SPNS3: variants seen among roughly 807,000 people sequenced by gnomAD.
SPNS3 encodes the protein SPNS lysolipid transporter 3, sphingosine-1-phosphate (putative), also known as protein spinster homolog 3.
In SPNS3, 51 loss-of-function variants were observed where a neutral mutation model predicts 54.4. The ratio of observed to expected loss-of-function variants is 0.94; its 90% CI spans 0.75 to 1.18. SPNS3 has a LOEUF of 1.18. Among genes scored for constraint, SPNS3 ranks in the 50% most tolerant of loss-of-function variants. The probability of loss-of-function intolerance (pLI) is 0.00; values close to 1 mark genes in which losing one functional copy is unlikely to be tolerated. For synonymous variants in SPNS3, 309 were observed against 294.7 expected (o/e 1.05, Z -0.50); for missense variants, 669 against 677.4 (o/e 0.99, Z 0.14).
At chr17:4,443,102 GCT>G (rs912137020) in intron 2 of SPNS3, among the ~76,000 whole-genome samples, 3 of 151,454 alleles carry the variant, frequency 2.0e-5, no homozygotes, top group African/African-American at 7.3e-5. Context: ...AGAGACTCTC[GCT>G]CTGTCACACA....
chr17:4,477,989 T>TTTTTTTTTTTTTTGG (rs1972053520), intron 8 of SPNS3, among the ~76,000 whole-genome samples: 1 of 142,870 alleles, frequency 7.0e-6, no homozygotes, highest in Non-Finnish European at 1.5e-5. Context: ...TTTTTTTTTT[T>TTTTTTTTTTTTTTGG]GAGGCGGAGT....
intron 3 of SPNS3, 21 bp from the exon 4 acceptor site, chr17:4,446,027 G>T (rs1428992973): frequency 6.3e-7 from 1 of 1,588,930 alleles, no homozygotes; most frequent in Non-Finnish European, 8.6e-7. Flanking sequence ...ACTCACCGTG[G>T]TCTTGTGCCT....
intron 9 of SPNS3, among the ~76,000 whole-genome samples, chr17:4,481,299 G>A (rs1344113569): frequency 1.3e-5 from 2 of 152,056 alleles, no homozygotes; most frequent in Non-Finnish European, 2.9e-5. Context: ...TCCCAGCAGA[G>A]CAGGGGCAGG....
intron 7 of SPNS3, among the ~76,000 whole-genome samples, chr17:4,449,946 T>A (rs1007867595): frequency 2.6e-5 from 4 of 152,114 alleles, no homozygotes; most frequent in African/African-American, 4.8e-5. Flanking sequence ...TCTGTTCCTA[T>A]CGCCTTTGAC....
chr17:4,461,361 C>CTTTTTTTTTTTTTTTTTTTTTTTTTTT lies in SPNS3; in HGVS notation c.1113+8182_1113+8183insTTTTTTTTTTTTTTTTTTTTTTTTTTT, dbSNP rs55928003. Among the ~76,000 whole-genome samples, 15 of 33,394 alleles carry CTTTTTTTTTTTTTTTTTTTTTTTTTTT rather than the reference C, an allele frequency of 4.5e-4. 1 individual carries two copies. The highest frequency in any genetic ancestry group is 1.4e-3 in the South Asian group (1 of 690). 21.9% of individuals were successfully genotyped at this position (33,394 alleles called of 152,430 possible). A position where few individuals can be genotyped will look rare whatever the true frequency, so the allele number is the denominator to read the frequency against. On this transcript the variant is annotated intron_variant, in intron 8 of 11. Coordinates refer to ENST00000355530, the MANE Select transcript of SPNS3 (RefSeq NM_182538.5). ...TATTTGCTTTCTTTTCTTTTCTTTT[C>CTTTTTTTTTTTTTTTTTTTTTTTTTTT]TTTTTTTTTTTTTTTTTTTTTTTTT...
intron 8 of SPNS3, among the ~76,000 whole-genome samples, chr17:4,466,611 G>A (rs1370988594): frequency 1.3e-5 from 2 of 149,262 alleles, no homozygotes; most frequent in Non-Finnish European, 3.0e-5. Context: ...GGAGGCCGAG[G>A]CAGGCAGATC....
At chr17:4,484,692 C>A (rs542428846) in intron 9 of SPNS3, among the ~76,000 whole-genome samples, 4 of 152,056 alleles carry the variant, frequency 2.6e-5, no homozygotes, top group African/African-American at 9.7e-5. Context: ...GGTGTAAGCG[C>A]CCCTGTGGCT....
intron 7 of SPNS3, among the ~76,000 whole-genome samples, chr17:4,452,003 G>T (rs1401652174): frequency 6.6e-6 from 1 of 152,064 alleles, no homozygotes; most frequent in East Asian, 1.9e-4. Context: ...TTAAAAGGGG[G>T]CTGGAGGTTG....
At chr17:4,445,756 T>TGCTGGGGGTGGG (rs1970968153) in intron 3 of SPNS3, among the ~76,000 whole-genome samples, 1 of 152,006 alleles carries the variant, frequency 6.6e-6, no homozygotes, top group Non-Finnish European at 1.5e-5. Context: ...TGCCCGACTC[T>TGCTGGGGGTGGG]GCTGGGGGTG....
chr17:4,470,866 C>T (rs769883281), intron 8 of SPNS3, among the ~76,000 whole-genome samples: 1 of 152,114 alleles, frequency 6.6e-6, no homozygotes, highest in Non-Finnish European at 1.5e-5. Flanking sequence ...CCCCAACCTC[C>T]TGATTTTTGT....
At chr17:4,459,580 G>T (rs538613714) in intron 8 of SPNS3, among the ~76,000 whole-genome samples, 24 of 152,258 alleles carry the variant, frequency 1.6e-4, no homozygotes, top group Middle Eastern at 6.8e-3. Flanking sequence ...GGGCATGGTG[G>T]TGTGTGCCTG....
At chr17:4,469,338 C>T (rs112840271) in intron 8 of SPNS3, among the ~76,000 whole-genome samples, 5 of 152,248 alleles carry the variant, frequency 3.3e-5, no homozygotes, top group African/African-American at 1.2e-4. Flanking sequence ...CCGCCTGCCT[C>T]GGCCTCCCAA....
intron 8 of SPNS3, among the ~76,000 whole-genome samples, chr17:4,455,038 C>A (rs560044115): frequency 6.6e-6 from 1 of 152,168 alleles, no homozygotes; most frequent in East Asian, 1.9e-4. Flanking sequence ...CTTAGCCTCC[C>A]AAGTAGCTGG....
At position 4,453,706 on chromosome 17, in the gene SPNS3, G is replaced by A. The variant is rs191063141; in HGVS notation, c.1113+501G>A. Among the ~76,000 whole-genome samples, 10 of 152,312 alleles carry A rather than the reference G, an allele frequency of 6.6e-5. No homozygotes were observed. In the East Asian group the frequency reaches 1.9e-3, roughly 29 times the overall value. On this transcript the variant is annotated intron_variant, in intron 8 of 11. Transcript: ENST00000355530. ...GATTTGAGCCTGAGCTTTTCTGACT[G>A]TAAAAGGTGTCCTCTGAGCATTGGG...
chr17:4,486,449 ATC>A lies in SPNS3; in HGVS notation c.1318_1319del (p.Leu440AlafsTer50). 1 of 1,612,476 alleles carries A rather than the reference ATC, an allele frequency of 6.2e-7. No individual in the cohort carries two copies. Among genetic ancestry groups the A allele is most frequent in the East Asian group, 2.2e-5 (1 of 44,846 alleles). ...CTGCGGGCCAGGCGCCCTGACTCCT[ATC>A]TGCAGCGCTTCCGCAGCCTGCAGCA... On this transcript the variant is annotated frameshift_variant, in exon 11 of 12. Transcript: ENST00000355530. LOFTEE classifies it high-confidence loss of function. The surrounding 1 kb of genome is among the most constrained non-coding windows in gnomAD (Gnocchi z 5.5).
intron 1 of SPNS3, among the ~76,000 whole-genome samples, chr17:4,435,094 G>A (rs117224125): frequency 0.032 from 4,932 of 152,164 alleles, 105 homozygotes; most frequent in Middle Eastern, 0.068. Context: ...GAGCCCCTGC[G>A]CCCAGCCGAA....
Position 4,478,527 on chromosome 17 carries a change from G to T in SPNS3, c.1114-45G>T. 1.9e-6 allele frequency: 3 copies of T among 1,542,480 alleles called. No individual in the cohort carries two copies. In the South Asian group the frequency reaches 3.6e-5, roughly 18 times the overall value. On this transcript the variant is annotated intron_variant, in intron 8 of 11. Transcript: ENST00000355530. ...GTGGGAAGCAACAGGTGGGGTTGGT[G>T]ACTGGGATCTGGGAATCCTCACCCA...
At chr17:4,479,302 T>C (rs1567575425) in intron 9 of SPNS3, among the ~76,000 whole-genome samples, 1 of 152,240 alleles carries the variant, frequency 6.6e-6, no homozygotes, top group East Asian at 1.9e-4. Flanking sequence ...GCCTCTACTC[T>C]GGGGCGTGCA....
chr17:4,465,465 T>C (rs1392825368), intron 8 of SPNS3, among the ~76,000 whole-genome samples: 2 of 152,094 alleles, frequency 1.3e-5, no homozygotes, highest in Non-Finnish European at 2.9e-5. Flanking sequence ...CAGTGGCTCA[T>C]GCTTGTGATC....
Sources: allele counts gnomAD v4.1 joint callset (sites outside exome capture counted in the v4.1 genomes callset), GRCh38; gene constraint gnomAD v4.1.1; non-coding constraint Gnocchi (gnomAD v3.1); transcripts MANE v1.5; gene names NCBI Gene and HGNC (gene_info 2026-07-23, HGNC 2026-07-21).